Variants in NCKIPSD observed in about 807,000 individuals in gnomAD.
NCKIPSD encodes NCK interacting protein with SH3 domain, also known as NCK-interacting protein with SH3 domain.
NCKIPSD carries 48 observed loss-of-function variants against 73.4 expected under a neutral mutation model. The observed-to-expected ratio is 0.65, with a 90% CI of 0.52 to 0.83. NCKIPSD has a LOEUF of 0.83. Ranked by LOEUF, NCKIPSD falls within the 40% of genes least tolerant of loss-of-function variation. NCKIPSD has a pLI of 0.00. For missense variants in NCKIPSD, 884 were observed against 970.2 expected (o/e 0.91, Z 1.18); for synonymous variants, 422 against 403.6 (o/e 1.05, Z -0.54).
At chr3:48,681,234 C>T (rs747048700) in intron 5 of NCKIPSD, 53 bp downstream of exon 5, 16 of 1,517,368 alleles carry the variant, frequency 1.1e-5, no homozygotes, top group East Asian at 6.8e-5. Flanking sequence ...AAGTGTGTGA[C>T]GGTGGGAACA....
rs578252392 is a variant in NCKIPSD, at chr3:48,674,835, C to A, written c.1966-88G>T. On this transcript the variant is annotated intron_variant, in intron 12 of 12. Transcript: ENST00000294129. ...GACAGGACCCCACTGTCCCACAGACCCCAGGGCTGTGGACCTGAACATCAG... is the reference window on the plus strand; with the variant it reads ...GACAGGACCCCACTGTCCCACAGACACCAGGGCTGTGGACCTGAACATCAG... 21 of 1,380,686 alleles carry A rather than the reference C, an allele frequency of 1.5e-5. No individual in the cohort carries two copies. In the South Asian group the frequency reaches 2.4e-4, roughly 16 times the overall value. The allele number at this position is 1,380,686 out of a possible 1,614,324, so 85.5% of individuals were successfully genotyped here. A position where few individuals can be genotyped will look rare whatever the true frequency, so the allele number is the denominator to read the frequency against.
chr3:48,679,909 A>C, intron 6 of NCKIPSD, 22 bp from the exon 7 acceptor site: 3 of 1,614,102 alleles, frequency 1.9e-6, no homozygotes, highest in Non-Finnish European at 2.5e-6. Context: ...AGGAAGTGAG[A>C]GCATCAGCCA....
At position 48,674,059 on chromosome 3, in the gene NCKIPSD, G is replaced by A; in HGVS notation, c.*485C>T. ...GGCCAAGGCCTCTGGGGGTAGGAGT[G>A]AAGGGCAGCGACCCCCATGTGCGGG... is the stretch of plus-strand genomic sequence containing the variant. On this transcript the variant is annotated 3_prime_UTR_variant, in exon 13 of 13. Transcript: ENST00000294129. 35 of 1,076,622 alleles carry A rather than the reference G, an allele frequency of 3.3e-5. No individual in the cohort carries two copies. The highest frequency in any genetic ancestry group is 4.0e-5 in the Non-Finnish European group (35 of 885,406). The allele number at this position is 1,076,622 out of a possible 1,614,324, so 66.7% of individuals were successfully genotyped here. A position where few individuals can be genotyped will look rare whatever the true frequency, so the allele number is the denominator to read the frequency against.
chr3:48,679,100 C>T lies in NCKIPSD; in HGVS notation c.1654G>A (p.Asp552Asn). ...LPLDTTEQLP[D>N]LCVNLLLALN... Reference sequence around the variant, plus strand: ...GCCAGAAGCAGGTTCACGCAGAGGTCCGGCAGCTGCTCTGTGGTGTCCAAG... The same window carrying T: ...GCCAGAAGCAGGTTCACGCAGAGGTTCGGCAGCTGCTCTGTGGTGTCCAAG... The change falls in exon 10 of 13, where the codon GAC becomes AAC. Residue 552 changes from aspartate (D) to asparagine (N), a missense_variant. By Grantham distance (23) the Asp-to-Asn change is conservative. Transcript: ENST00000294129. The T allele has an allele frequency of 6.2e-7, 1 of 1,614,072 alleles. No individual in the cohort carries two copies.
At chr3:48,680,297 G>A (rs370485960) in intron 5 of NCKIPSD, 68 bp from the exon 6 acceptor site, 3 of 1,470,902 alleles carry the variant, frequency 2.0e-6, no homozygotes, top group Non-Finnish European at 9.1e-7. Context: ...GAGCCTCCAA[G>A]GCCTGGAGAG....
chr3:48,679,851 T>G lies in NCKIPSD; in HGVS notation c.1300A>C (p.Lys434Gln), dbSNP rs1255027589. ...ADPEVCKKMC[K>Q]RNEFESVLAL... ...AGGACAGACTCGAACTCGTTTCTCT[T>G]GCACATTTTCTTGCAAACTTCAGGG... The change falls in exon 7 of 13, where the codon AAG (lysine) becomes CAG (glutamine). Residue 434 changes from lysine to glutamine, a missense_variant. Transcript: ENST00000294129. 2 of 1,614,126 alleles carry G rather than the reference T, an allele frequency of 1.2e-6. No individual in the cohort carries two copies. Among genetic ancestry groups the G allele is most frequent in the Non-Finnish European group, 1.7e-6 (2 of 1,180,054 alleles).
chr3:48,684,094 A>G (rs1575570551), intron 1 of NCKIPSD, among the ~76,000 whole-genome samples: 1 of 152,148 alleles, frequency 6.6e-6, no homozygotes. Flanking sequence ...AGAGGGAAAC[A>G]ACGCAGAAAG....
rs1335782150 is a variant in NCKIPSD, at chr3:48,679,660, G to A, written c.1404C>T (p.Cys468=). The change falls in exon 8 of 13, where the codon TGC becomes TGT. Residue 468 remains cysteine, a synonymous_variant. Transcript: ENST00000294129. Reference sequence around the variant, plus strand: ...TGGAGATGATGGCTGCATCCAGGCTGCACATGGCGCCAAAGCACTTGAGGA... The same window carrying A: ...TGGAGATGATGGCTGCATCCAGGCTACACATGGCGCCAAAGCACTTGAGGA... The part of the protein sequence containing the change: ...LLLLKCFGAM[C]SLDAAIISTL... 1 of 1,614,202 alleles carries A rather than the reference G, an allele frequency of 6.2e-7. No individual in the cohort carries two copies.
intron 4 of NCKIPSD, 124 bp from the exon 5 acceptor site, chr3:48,681,904 A>T: frequency 6.9e-7 from 1 of 1,455,562 alleles, no homozygotes; most frequent in South Asian, 1.4e-5. Flanking sequence ...CTCCTCACAA[A>T]GCCCAGAGCC....
Position 48,682,567 on chromosome 3 carries a change from G to A in NCKIPSD, c.282-15C>T, listed in dbSNP as rs752822389. ...GGATCAGCTTCCTGATGGAAGGACA[G>A]GAAGACTATTGGGGGGTTGCATCTC... On this transcript the variant is annotated splice_polypyrimidine_tract_variant and intron_variant, in intron 2 of 12. Coordinates refer to ENST00000294129, the MANE Select transcript of NCKIPSD (RefSeq NM_016453.4). The A allele has an allele frequency of 1.9e-6, 3 of 1,613,494 alleles. No homozygotes were observed. Among genetic ancestry groups the A allele is most frequent in the Non-Finnish European group, 1.7e-6 (2 of 1,179,652 alleles).
intron 5 of NCKIPSD, among the ~76,000 whole-genome samples, chr3:48,680,942 T>C (rs899937915): frequency 2.6e-5 from 4 of 152,122 alleles, no homozygotes; most frequent in Admixed American, 2.0e-4. Context: ...ACAGAACTCT[T>C]GGCCACCCGC....
At chr3:48,676,513 C>T (rs1014582790) in intron 12 of NCKIPSD, among the ~76,000 whole-genome samples, 1 of 152,202 alleles carries the variant, frequency 6.6e-6, no homozygotes, top group African/African-American at 2.4e-5. Context: ...CAAGGTCTGG[C>T]TTTGTTGCCC....
Position 48,679,438 on chromosome 3 carries a change from G to C in NCKIPSD, c.1509C>G (p.Tyr503Ter). The C allele has an allele frequency of 6.2e-7, 1 of 1,613,608 alleles. No homozygotes were observed. Among genetic ancestry groups the C allele is most frequent in the Non-Finnish European group, 8.5e-7 (1 of 1,179,658 alleles). ...AGACCATGGCCAGGATGAGGGCAGA[G>C]TAACAGAGTTTCTGGTGGTCTGGGG... Reference protein sequence around the residue: ...TDTQDHQKLCYSALILAMVFS... With the variant: ...TDTQDHQKLC Residue 503 changes from tyrosine to a stop codon, truncating the protein, a stop_gained, in exon 9 of 13, where the codon TAC becomes TAG. Transcript: ENST00000294129. LOFTEE classifies it high-confidence loss of function.
chr3:48,682,741 C>T (rs1020697957), intron 2 of NCKIPSD, 162 bp downstream of exon 2: 11 of 1,197,430 alleles, frequency 9.2e-6, no homozygotes, highest in Non-Finnish European at 1.2e-5. Context: ...CTGGTGCTCA[C>T]TGAAGGACCC....
chr3:48,681,174 AAGAGCT>A, intron 5 of NCKIPSD, 107 bp downstream of exon 5: 5 of 1,439,038 alleles, frequency 3.5e-6, no homozygotes, highest in Non-Finnish European at 4.6e-6. Context: ...CCAGCACAGT[AAGAGCT>A]CAGAGCCAGA....
intron 12 of NCKIPSD, among the ~76,000 whole-genome samples, chr3:48,676,328 C>T (rs767020140): frequency 6.6e-6 from 1 of 152,174 alleles, no homozygotes; most frequent in Non-Finnish European, 1.5e-5. Flanking sequence ...AGCCCTAGCT[C>T]CTGTCCATGT....
At position 48,681,630 on chromosome 3, in the gene NCKIPSD, C is replaced by T. The variant is rs747688054; in HGVS notation, c.749G>A (p.Gly250Asp). ...GACTTGGGACACGGTGGTGTGGGTGCCTCGGCGGGGCACAGGTGGGGGTGT... is the reference window on the plus strand; with the variant it reads ...GACTTGGGACACGGTGGTGTGGGTGTCTCGGCGGGGCACAGGTGGGGGTGT... The part of the protein sequence containing the change: ...SPTPPPVPRR[G>D]THTTVSQVQP... Residue 250 changes from glycine to aspartate, a missense_variant, in exon 5 of 13, where the codon GGC becomes GAC. Gly to Asp is a moderately conservative substitution (Grantham distance 94). Coordinates refer to ENST00000294129, the MANE Select transcript of NCKIPSD (RefSeq NM_016453.4). The T allele has an allele frequency of 2.9e-5, 47 of 1,613,354 alleles. No individual in the cohort carries two copies. The highest frequency in any genetic ancestry group is 3.9e-5 in the Non-Finnish European group (46 of 1,179,772).
rs191177960 is a variant in NCKIPSD, at chr3:48,683,190, G to C, written c.172-178C>G. 5.3e-4 allele frequency: 632 copies of C among 1,189,332 alleles called. 4 individuals carry two copies. In the African/African-American group the frequency reaches 8.5e-3, roughly 16 times the overall value. 73.7% of individuals were successfully genotyped at this position (1,189,332 alleles called of 1,614,324 possible). On this transcript the variant is annotated intron_variant, in intron 1 of 12. Transcript: ENST00000294129. The stretch of plus-strand genomic sequence containing the variant: ...TGGGGTTCTCAAACTGTATCACTCA[G>C]GGAGCTGAGGCACAGGGTGACCCCC...
At position 48,682,524 on chromosome 3, in the gene NCKIPSD, G is replaced by A. The variant is rs778621690; in HGVS notation, c.310C>T (p.Leu104=). 1.2e-6 allele frequency: 2 copies of A among 1,614,110 alleles called. No individual in the cohort carries two copies. Among genetic ancestry groups the A allele is most frequent in the African/African-American group, 1.3e-5 (1 of 75,028 alleles). Residue 104 remains leucine (L), a synonymous_variant, in exon 3 of 13, where the codon CTG becomes TTG. Transcript: ENST00000294129. ...GAGGCTGAAGGGCCTCTGCGTGACAGGGTCTCTTTCCGGTGGTGGATCAGC... is the reference window on the plus strand; with the variant it reads ...GAGGCTGAAGGGCCTCTGCGTGACAAGGTCTCTTTCCGGTGGTGGATCAGC... ...QKLIHHRKET[L]SRRGPSASSV... is the part of the protein sequence containing the mutation.
Sources: gnomAD v4.1 joint callset for allele counts (sites outside exome capture counted in the v4.1 genomes callset) on GRCh38, gnomAD v4.1.1 for gene constraint, MANE v1.5 for transcripts, NCBI Gene and HGNC (gene_info 2026-07-23, HGNC 2026-07-21) for gene names.